OTOG: variants seen among roughly 807,000 people sequenced by gnomAD.
The protein encoded by OTOG is otogelin.
In OTOG, 296 loss-of-function variants were observed where a neutral mutation model predicts 313.8. The ratio of observed to expected loss-of-function variants is 0.94; its 90% CI spans 0.86 to 1.04. The LOEUF (loss-of-function observed/expected upper bound fraction) is 1.04, where lower values mean the gene tolerates loss of function less well. Among genes scored for constraint, OTOG ranks in the 50% least tolerant of loss-of-function variants. The probability of loss-of-function intolerance (pLI) is 0.00; values close to 1 mark genes in which losing one functional copy is unlikely to be tolerated. For synonymous variants in OTOG, 1,533 were observed against 1,554.9 expected, an observed-to-expected ratio of 0.99 and a Z score of 0.33; for missense variants, 3,948 against 3,840.1, an observed-to-expected ratio of 1.03 and a Z score of -0.74.
At position 17,558,582 on chromosome 11, in the gene OTOG, C is replaced by T. The variant is rs774847400; in HGVS notation, c.1041C>T (p.Asp347=). The change falls in exon 10 of 56, where the codon GAC becomes GAT. Residue 347 remains aspartate (D), a synonymous_variant. Coordinates refer to ENST00000399397, the MANE Select transcript of OTOG (RefSeq NM_001292063.2). ...QCEALLRPPF[D]ACHAYVSPLP... Reference sequence around the variant, plus strand: ...AGGCTCTACTGCGGCCCCCCTTTGACGCCTGCCACGCCTACGTCAGCCCTC... The same window carrying T: ...AGGCTCTACTGCGGCCCCCCTTTGATGCCTGCCACGCCTACGTCAGCCCTC... The T allele has an allele frequency of 8.6e-5, 134 of 1,550,314 alleles. No homozygotes were observed. The highest frequency in any genetic ancestry group is 1.7e-4 in the Middle Eastern group (1 of 6,012).
intron 23 of OTOG, among the ~76,000 whole-genome samples, chr11:17,579,666 T>C (rs1303818337): frequency 6.6e-6 from 1 of 152,112 alleles, no homozygotes; most frequent in African/African-American, 2.4e-5. Context: ...CGGAGTGGCA[T>C]TTGAAGAGTA....
intron 26 of OTOG, 81 bp from the exon 27 acceptor site, chr11:17,593,529 G>A: frequency 6.6e-7 from 1 of 1,517,790 alleles, no homozygotes; most frequent in Non-Finnish European, 8.9e-7. Flanking sequence ...AGAGGCATTG[G>A]TGAGGGCCTG....
chr11:17,613,217 TTC>T (rs1491516083), intron 38 of OTOG, among the ~76,000 whole-genome samples: 1 of 130,176 alleles, frequency 7.7e-6, no homozygotes, highest in African/African-American at 3.2e-5. Flanking sequence ...CTTTCTTTCT[TTC>T]TTTCTTTCTT....
intron 15 of OTOG, among the ~76,000 whole-genome samples, chr11:17,567,888 T>C (rs947120995): frequency 7.8e-4 from 88 of 112,112 alleles, no homozygotes; most frequent in Non-Finnish European, 5.4e-5. Flanking sequence ...GGGATGTTAG[T>C]AACACTTTCT....
At chr11:17,580,617 G>T (rs1852644209) in intron 23 of OTOG, among the ~76,000 whole-genome samples, 1 of 152,228 alleles carries the variant, frequency 6.6e-6, no homozygotes, top group African/African-American at 2.4e-5. Flanking sequence ...TGGATGGTGG[G>T]CAACAGAGAA....
rs577582160 is a variant in OTOG at position 17,604,913 on chromosome 11, G to A, written c.3878-944G>A. Reference sequence around the variant, plus strand: ...TGGATGAAGCCAGTCTCTGTTACCTGCCATCTTCTCGCAGCTTCCCAGGGA... The same window carrying A: ...TGGATGAAGCCAGTCTCTGTTACCTACCATCTTCTCGCAGCTTCCCAGGGA... On this transcript the variant is annotated intron_variant, in intron 32 of 55. Coordinates refer to ENST00000399397, the MANE Select transcript of OTOG (RefSeq NM_001292063.2). Among the ~76,000 whole-genome samples, 79 of 152,352 alleles carry A rather than the reference G, an allele frequency of 5.2e-4. 1 individual carries two copies. The highest frequency in any genetic ancestry group is 4.6e-3 in the Admixed American group (70 of 15,308).
intron 47 of OTOG, among the ~76,000 whole-genome samples, chr11:17,637,308 G>C (rs1357094787): frequency 6.6e-6 from 1 of 151,958 alleles, no homozygotes; most frequent in African/African-American, 2.4e-5. Context: ...CTCATGCCCA[G>C]TCTGTTTCTT....
chr11:17,620,798 T>C (rs1347801625), intron 39 of OTOG, among the ~76,000 whole-genome samples: 1 of 152,222 alleles, frequency 6.6e-6, no homozygotes, highest in Non-Finnish European at 1.5e-5. Flanking sequence ...CTCATCATTC[T>C]CTTGGGTCTT....
Position 17,608,384 on chromosome 11 carries a change from A to C in OTOG, c.4245A>C (p.Pro1415=). 6.5e-7 allele frequency: 1 copy of C among 1,545,802 alleles called. No individual in the cohort carries two copies. Among genetic ancestry groups the C allele is most frequent in the Non-Finnish European group, 8.7e-7 (1 of 1,145,136 alleles). The change falls in exon 34 of 56, where the codon CCA becomes CCC. Residue 1415 remains proline (P), a synonymous_variant. Transcript: ENST00000399397. The part of the protein sequence containing the change: ...ASPCFQTCRD[P]RAASCRDVPR... ...CCTGCTTCCAAACCTGCCGGGACCC[A>C]CGGGCAGCCAGCTGCCGGGACGTAC...
At chr11:17,567,860 T>C (rs1259309338) in intron 15 of OTOG, among the ~76,000 whole-genome samples, 2 of 152,068 alleles carry the variant, frequency 1.3e-5, no homozygotes, top group African/African-American at 4.8e-5. Context: ...GTGCCTTGGT[T>C]TTCTAATCTG....
chr11:17,577,547 G>A (rs548066178), intron 22 of OTOG, among the ~76,000 whole-genome samples: 3 of 152,240 alleles, frequency 2.0e-5, no homozygotes, highest in Non-Finnish European at 2.9e-5. Context: ...AATCTTCCCT[G>A]GCACTCACTA....
At chr11:17,591,208 A>T (rs1250047729) in intron 24 of OTOG, among the ~76,000 whole-genome samples, 1 of 152,240 alleles carries the variant, frequency 6.6e-6, no homozygotes, top group African/African-American at 2.4e-5. Flanking sequence ...GGAGTTAAAT[A>T]GATCTGGGTT....
chr11:17,554,939 A>G (rs916913990), intron 6 of OTOG, among the ~76,000 whole-genome samples: 4 of 152,216 alleles, frequency 2.6e-5, no homozygotes, highest in African/African-American at 9.7e-5. Flanking sequence ...TTTTAGTTAT[A>G]TATATTTCTT....
rs1448851858 is a variant in OTOG, at chr11:17,612,311, C to A, written c.6273C>A (p.Cys2091Ter). The change falls in exon 37 of 56, where the codon TGC becomes TGA. Residue 2091 changes from cysteine (C) to a stop codon, truncating the protein, a stop_gained. Coordinates refer to ENST00000399397, the MANE Select transcript of OTOG (RefSeq NM_001292063.2). LOFTEE classifies it high-confidence loss of function. ...LAVRVGGDRC[C>*]PLWECACRCS... ...TGCGGGTGGGTGGGGACCGCTGCTGCCCACTCTGGGAGTGTGCCTGTGAGT... is the reference window on the plus strand; with the variant it reads ...TGCGGGTGGGTGGGGACCGCTGCTGACCACTCTGGGAGTGTGCCTGTGAGT... 2 of 1,537,272 alleles carry A rather than the reference C, an allele frequency of 1.3e-6. No homozygotes were observed. The highest frequency in any genetic ancestry group is 1.4e-5 in the African/African-American group (1 of 73,010).
At position 17,642,153 on chromosome 11, in the gene OTOG, C is replaced by T. The variant is rs539684481; in HGVS notation, c.8322C>T (p.Cys2774=). 1.1e-4 allele frequency: 164 copies of T among 1,548,492 alleles called. No individual in the cohort carries two copies. The African/African-American group carries it at 1.6e-3, about 15-fold the overall frequency. ...FLPGASWIAD[C]ARHHCSSTPL... ...CCGGGGCATCCTGGATCGCAGACTG[C>T]GCCCGCCACCACTGCAGCAGCACGC... The change falls in exon 53 of 56, where the codon TGC becomes TGT. Residue 2774 remains cysteine, a synonymous_variant. Coordinates refer to ENST00000399397, the MANE Select transcript of OTOG (RefSeq NM_001292063.2).
At chr11:17,549,177 C>T (rs984385467) in intron 3 of OTOG, among the ~76,000 whole-genome samples, 2 of 152,204 alleles carry the variant, frequency 1.3e-5, no homozygotes, top group Non-Finnish European at 2.9e-5. Context: ...ATTTGTCTCC[C>T]TCTTTCTATA....
intron 45 of OTOG, 30 bp downstream of exon 45, chr11:17,634,978 G>GGGGGGGGGGT: frequency 7.2e-7 from 1 of 1,384,952 alleles, no homozygotes; most frequent in Non-Finnish European, 9.9e-7. Flanking sequence ...GAGGGTGGGG[G>GGGGGGGGGGT]ACGGACTGAG....
At chr11:17,584,372 C>T (rs75210696) in intron 23 of OTOG, among the ~76,000 whole-genome samples, 2 of 152,164 alleles carry the variant, frequency 1.3e-5, no homozygotes, top group African/African-American at 4.8e-5. Context: ...TCATTGCCTT[C>T]GTCTTGTTTT....
chr11:17,611,340 T>C lies in OTOG; in HGVS notation c.6040T>C (p.Ser2014Pro). ...GGCCACCACAGAACCATCTGGGCGC[T>C]CAGCCCCAGCCCTGAGCATCGTAGA... ...DEATTEPSGR[S>P]APALSIVEGL... The change falls in exon 36 of 56, where the codon TCA becomes CCA. Residue 2014 changes from serine (S) to proline (P), a missense_variant. Physicochemically the swap from Ser to Pro is moderately conservative, Grantham distance 74. Coordinates refer to ENST00000399397, the MANE Select transcript of OTOG (RefSeq NM_001292063.2). 1 of 1,550,422 alleles carries C rather than the reference T, an allele frequency of 6.4e-7. No homozygotes were observed. The highest frequency in any genetic ancestry group is 8.7e-7 in the Non-Finnish European group (1 of 1,146,856).
Sources: allele counts gnomAD v4.1 joint callset (sites outside exome capture counted in the v4.1 genomes callset), GRCh38; gene constraint gnomAD v4.1.1; transcripts MANE v1.5; gene names NCBI Gene and HGNC (gene_info 2026-07-23, HGNC 2026-07-21).